ATP13A4: variants seen among roughly 807,000 people sequenced by gnomAD.
ATP13A4 encodes the protein probable cation-transporting ATPase 13A4.
ATP13A4 carries 114 observed loss-of-function variants against 142.5 expected under a neutral mutation model. The ratio of observed to expected loss-of-function variants is 0.80; its 90% confidence interval spans 0.69 to 0.93. The LOEUF (loss-of-function observed/expected upper bound fraction) is 0.93, where lower values mean the gene tolerates loss of function less well. Ranked by LOEUF, ATP13A4 falls within the 40% of genes least tolerant of loss-of-function variation. The pLI is 0.00. For missense variants in ATP13A4, 1,392 were observed against 1,454.0 expected (o/e 0.96, Z 0.69); for synonymous variants, 488 against 514.8 (o/e 0.95, Z 0.70).
At chr3:193,542,952 T>A (rs767086570) in intron 1 of ATP13A4, among the ~76,000 whole-genome samples, 37 of 152,060 alleles carry the variant, frequency 2.4e-4, no homozygotes, top group Non-Finnish European at 4.6e-4. Flanking sequence ...GATCACAAGG[T>A]CAGGAGATCG....
At position 193,481,610 on chromosome 3, in the gene ATP13A4, C is replaced by T. The variant is rs1030429100; in HGVS notation, c.808+2326G>A. 5.3e-5 allele frequency among the ~76,000 whole-genome samples: 8 copies of T among 152,090 alleles called. No individual in the cohort carries two copies. The South Asian group carries it at 1.7e-3, about 31-fold the overall frequency. The stretch of plus-strand genomic sequence containing the variant: ...AAGTGTGTGCAGATGTGAATTTTGG[C>T]TTACAGAACTGTTTTTAATGTTCAT... On this transcript the variant is annotated intron_variant, in intron 8 of 29. Coordinates refer to ENST00000342695, the MANE Select transcript of ATP13A4 (RefSeq NM_032279.4).
chr3:193,437,122 A>G (rs1337455788), intron 23 of ATP13A4, among the ~76,000 whole-genome samples: 2 of 150,100 alleles, frequency 1.3e-5, no homozygotes, highest in Non-Finnish European at 3.0e-5. Flanking sequence ...AAAAAAAAAA[A>G]CCTGATCCTC....
At chr3:193,581,060 T>C (rs1170422958) in intron 2 of ATP13A4, among the ~76,000 whole-genome samples, 2 of 152,212 alleles carry the variant, frequency 1.3e-5, no homozygotes, top group African/African-American at 4.8e-5. Context: ...CGTTAACCTA[T>C]GAGTTTAGCT....
intron 6 of ATP13A4, 117 bp from the exon 7 acceptor site, chr3:193,489,981 A>T (rs1402453752): frequency 1.7e-6 from 2 of 1,180,868 alleles, no homozygotes; most frequent in East Asian, 5.0e-5. Context: ...CAATATTCTT[A>T]TTATATTTAT....
intron 1 of ATP13A4, among the ~76,000 whole-genome samples, chr3:193,590,511 C>T (rs755091708): frequency 6.6e-5 from 10 of 152,186 alleles, no homozygotes; most frequent in Non-Finnish European, 1.3e-4. Context: ...ATACCTACGT[C>T]TTAGCACAGT....
chr3:193,426,085 A>G (rs1476562425), intron 25 of ATP13A4, among the ~76,000 whole-genome samples: 2 of 151,824 alleles, frequency 1.3e-5, no homozygotes, highest in Non-Finnish European at 3.0e-5. Context: ...AACCATCTCT[A>G]TGCACTGATG....
chr3:193,483,000 A>T (rs987069172), intron 8 of ATP13A4, among the ~76,000 whole-genome samples: 3 of 152,204 alleles, frequency 2.0e-5, no homozygotes, highest in African/African-American at 7.2e-5. Context: ...AAATGCATCA[A>T]CAGGTGAATG....
At chr3:193,458,718 C>A in intron 14 of ATP13A4, 1 of 459,324 alleles carries the variant, frequency 2.2e-6, no homozygotes, top group Non-Finnish European at 3.9e-6. Context: ...TTCTGATCCC[C>A]ATATTCTGGA....
At chr3:193,479,454 A>T (rs1398809105) in intron 8 of ATP13A4, among the ~76,000 whole-genome samples, 2 of 152,222 alleles carry the variant, frequency 1.3e-5, no homozygotes, top group African/African-American at 4.8e-5. Flanking sequence ...ACAAATCACT[A>T]GTTCTGCTAG....
In ATP13A4 at chr3:193,414,740, A is replaced by G. The variant is rs1341987734; in HGVS notation, c.2853T>C (p.Asn951=). ...AAGGCACCAGCTTAGGGTAGGCACCATTCAGATTCACTATAAAATAAATTC... is the reference window on the plus strand; with the variant it reads ...AAGGCACCAGCTTAGGGTAGGCACCGTTCAGATTCACTATAAAATAAATTC... ...TTLIGVTMNL[N]GAYPKLVPFR... is the part of the protein sequence containing the mutation. Residue 951 remains asparagine, a synonymous_variant, in exon 26 of 30, where the codon AAT becomes AAC. Coordinates refer to ENST00000342695, the MANE Select transcript of ATP13A4 (RefSeq NM_032279.4). 1 of 1,614,120 alleles carries G rather than the reference A, an allele frequency of 6.2e-7. No individual in the cohort carries two copies. The highest frequency in any genetic ancestry group is 1.1e-5 in the South Asian group (1 of 91,086).
chr3:193,508,280 T>C (rs1429761300), intron 2 of ATP13A4, among the ~76,000 whole-genome samples: 1 of 152,176 alleles, frequency 6.6e-6, no homozygotes, highest in African/African-American at 2.4e-5. Context: ...AGCAGGCAAA[T>C]ACACTGCCCA....
intron 15 of ATP13A4, 59 bp downstream of exon 15, chr3:193,457,320 G>A: frequency 1.9e-6 from 3 of 1,595,286 alleles, no homozygotes; most frequent in Non-Finnish European, 2.6e-6. Context: ...AAAACTGGGG[G>A]CCAGAAGAGT....
At chr3:193,542,798 C>T (rs1009192745) in intron 1 of ATP13A4, among the ~76,000 whole-genome samples, 2 of 152,066 alleles carry the variant, frequency 1.3e-5, no homozygotes, top group African/African-American at 4.8e-5. Context: ...GAAACTGGAC[C>T]CTGTCCTTAC....
At position 193,490,718 on chromosome 3, in the gene ATP13A4, C is replaced by T. The variant is rs75436926; in HGVS notation, c.603+611G>A. ...TTGTTTTACTTTCTTTCATGCTTGA[C>T]GGCTTGTTGGAAATATTTTGAAAGT... On this transcript the variant is annotated intron_variant, in intron 6 of 29. Coordinates refer to ENST00000342695, the MANE Select transcript of ATP13A4 (RefSeq NM_032279.4). 4.7e-3 allele frequency among the ~76,000 whole-genome samples: 712 copies of T among 152,216 alleles called. 23 individuals are homozygous for T. In the East Asian group the frequency reaches 0.058, roughly 12 times the overall value.
At position 193,548,546 on chromosome 3, in the gene ATP13A4, T is replaced by C. The variant is rs542329521; in HGVS notation, c.60+6194A>G. On this transcript the variant is annotated intron_variant, in intron 1 of 29. Coordinates refer to ENST00000342695, the MANE Select transcript of ATP13A4 (RefSeq NM_032279.4). ...TTTCAAATGACAAAATGTCTCAGCCTGAACACAATTCCCCCACTATGAGAT... is the reference window on the plus strand; with the variant it reads ...TTTCAAATGACAAAATGTCTCAGCCCGAACACAATTCCCCCACTATGAGAT... Among the ~76,000 whole-genome samples, 3 of 152,316 alleles carry C rather than the reference T, an allele frequency of 2.0e-5. No individual in the cohort carries two copies. In the South Asian group the frequency reaches 6.2e-4, roughly 32 times the overall value.
At chr3:193,404,274 CAG>C (rs139848067) in intron 29 of ATP13A4, 205 of 415,852 alleles carry the variant, frequency 4.9e-4, no homozygotes, top group African/African-American at 2.8e-3. Flanking sequence ...CACACACACA[CAG>C]AGAGAGAAAC....
intron 25 of ATP13A4, among the ~76,000 whole-genome samples, chr3:193,429,045 A>T (rs1021619840): frequency 6.6e-6 from 1 of 152,102 alleles, no homozygotes; most frequent in African/African-American, 2.4e-5. Flanking sequence ...TGATGAGCAC[A>T]TGACTATATG....
Position 193,408,698 on chromosome 3 carries a change from C to T in ATP13A4, c.3298-1305G>A, listed in dbSNP as rs6768497. On this transcript the variant is annotated intron_variant, in intron 28 of 29. Transcript: ENST00000342695. Reference sequence around the variant, plus strand: ...CGGATTCTCATCAGACTCATTCCTACGAGACGTAGAAACTCCTGATGGGCA... The same window carrying T: ...CGGATTCTCATCAGACTCATTCCTATGAGACGTAGAAACTCCTGATGGGCA... Among the ~76,000 whole-genome samples the T allele has an allele frequency of 7.5e-3, 1,143 of 152,314 alleles. 15 individuals are homozygous for T. The highest frequency in any genetic ancestry group is 0.026 in the African/African-American group (1,088 of 41,556).
At position 193,454,139 on chromosome 3, in the gene ATP13A4, C is replaced by T. The variant is rs571990987; in HGVS notation, c.1989G>A (p.Lys663=). 51 of 1,614,102 alleles carry T rather than the reference C, an allele frequency of 3.2e-5. No individual in the cohort carries two copies. The highest frequency in any genetic ancestry group is 6.7e-5 in the East Asian group (3 of 44,878). The change falls in exon 17 of 30, where the codon AAG becomes AAA. Residue 663 remains lysine (K), a synonymous_variant. Transcript: ENST00000342695. The stretch of plus-strand genomic sequence containing the variant: ...TAGCGTGATGGTCATTTTCCAGCTT[C>T]TTGTAGGCCAGTGCTATGACTCGGA... ...QGFRVIALAY[K]KLENDHHATT...
Sources: allele counts gnomAD v4.1 joint callset (sites outside exome capture counted in the v4.1 genomes callset), GRCh38; gene constraint gnomAD v4.1.1; transcripts MANE v1.5; gene names NCBI Gene and HGNC (gene_info 2026-07-23, HGNC 2026-07-21).